The following CRYBG1 variants were observed in gnomAD, a reference collection of about 807,000 sequenced individuals.
CRYBG1 encodes the protein crystallin beta-gamma domain containing 1.
Under a neutral mutation model 189.2 loss-of-function variants are expected in CRYBG1, and 139 were observed. The ratio of observed to expected loss-of-function variants is 0.73; its 90% confidence interval spans 0.64 to 0.85. The LOEUF (loss-of-function observed/expected upper bound fraction) is 0.85, where lower values mean the gene tolerates loss of function less well. CRYBG1 is among the 40% of genes least tolerant of loss of function. CRYBG1 has a pLI of 0.00. For missense variants in CRYBG1, 2,611 were observed against 2,675.8 expected (o/e 0.98, Z 0.53); for synonymous variants, 1,023 against 1,017.1 (o/e 1.01, Z -0.11).
In CRYBG1 at chr6:106,413,311, G is replaced by A. The variant is rs890703259; in HGVS notation, c.174-38383G>A. ...CACACAGTCAGAGCAGGTAGGAGTG[G>A]TTCCCCAAAGAAAAATCACTGTGCT... On this transcript the variant is annotated intron_variant, in intron 1 of 21. Transcript: ENST00000633556. Among the ~76,000 whole-genome samples the A allele has an allele frequency of 2.6e-5, 4 of 152,128 alleles. No homozygotes were observed. In the East Asian group the frequency reaches 7.7e-4, roughly 29 times the overall value.
At chr6:106,444,601 T>C (rs1278052124) in intron 1 of CRYBG1, among the ~76,000 whole-genome samples, 2 of 152,178 alleles carry the variant, frequency 1.3e-5, no homozygotes, top group African/African-American at 4.8e-5. Flanking sequence ...TCATGGTTCG[T>C]TAATCATGTG....
intron 1 of CRYBG1, among the ~76,000 whole-genome samples, chr6:106,443,577 C>A (rs781148611): frequency 8.5e-5 from 13 of 152,122 alleles, no homozygotes; most frequent in African/African-American, 2.4e-4. Context: ...AGTTCAAATG[C>A]GATGACAAAG....
intron 16 of CRYBG1, among the ~76,000 whole-genome samples, chr6:106,554,447 T>C (rs1582836256): frequency 6.6e-6 from 1 of 151,808 alleles, no homozygotes; most frequent in South Asian, 2.1e-4. Flanking sequence ...AACCCTGTCT[T>C]TACTAAAAAT....
chr6:106,445,023 C>T (rs1272681428), intron 1 of CRYBG1, among the ~76,000 whole-genome samples: 2 of 151,958 alleles, frequency 1.3e-5, no homozygotes, highest in Non-Finnish European at 2.9e-5. Flanking sequence ...ATCAAAGTGC[C>T]CAGGAAGGTG....
At chr6:106,391,629 T>G (rs183826420) in intron 1 of CRYBG1, among the ~76,000 whole-genome samples, 12 of 152,256 alleles carry the variant, frequency 7.9e-5, no homozygotes, top group Middle Eastern at 3.4e-3. Flanking sequence ...AATATTCCAT[T>G]TTTGAATTAC....
chr6:106,426,503 A>T (rs4946750), intron 1 of CRYBG1, among the ~76,000 whole-genome samples: 1 of 151,942 alleles, frequency 6.6e-6, no homozygotes, highest in South Asian at 2.1e-4. Context: ...ACCCACTCCA[A>T]TTGGGCTCCT....
In CRYBG1 at chr6:106,519,130, G is replaced by C. The variant is rs904614919; in HGVS notation, c.1923-1G>C. ...TTTATCTTCCTGCTTTTTCCTCACAGCCCTGCCAAGCCCAAACATGTGGAA... is the reference window on the plus strand; with the variant it reads ...TTTATCTTCCTGCTTTTTCCTCACACCCCTGCCAAGCCCAAACATGTGGAA... On this transcript the variant is annotated splice_acceptor_variant, in intron 3 of 21. Transcript: ENST00000633556. LOFTEE classifies it high-confidence loss of function. 1 of 1,606,118 alleles carries C rather than the reference G, an allele frequency of 6.2e-7. No homozygotes were observed. Among genetic ancestry groups the C allele is most frequent in the Non-Finnish European group, 8.5e-7 (1 of 1,176,300 alleles).
At chr6:106,388,839 A>T (rs1250536242) in intron 1 of CRYBG1, among the ~76,000 whole-genome samples, 1 of 152,218 alleles carries the variant, frequency 6.6e-6, no homozygotes, top group East Asian at 1.9e-4. Flanking sequence ...TATCAGAGGG[A>T]TGACTAGCTG....
intron 6 of CRYBG1, 54 bp from the exon 7 acceptor site, chr6:106,527,251 T>C (rs1459902833): frequency 5.2e-5 from 79 of 1,504,992 alleles, no homozygotes; most frequent in Non-Finnish European, 6.8e-5. Context: ...ATTTGAGTAA[T>C]CAAAACCTCT....
At position 106,519,578 on chromosome 6, in the gene CRYBG1, A is replaced by G; in HGVS notation, c.2370A>G (p.Gln790=). 1 of 1,614,202 alleles carries G rather than the reference A, an allele frequency of 6.2e-7. No individual in the cohort carries two copies. ...ACCAAGATGATAAAGCAGATGTACAAACAGATGCTGGCTGCCTTTCAGAAC... is the reference window on the plus strand; with the variant it reads ...ACCAAGATGATAAAGCAGATGTACAGACAGATGCTGGCTGCCTTTCAGAAC... ...QPNQDDKADV[Q]TDAGCLSEPV... is the part of the protein sequence containing the mutation. The change falls in exon 4 of 22, where the codon CAA becomes CAG. Residue 790 remains glutamine (Q), a synonymous_variant. Transcript: ENST00000633556.
At chr6:106,483,378 G>GTGTA (rs1347885031) in intron 2 of CRYBG1, among the ~76,000 whole-genome samples, 2 of 113,692 alleles carry the variant, frequency 1.8e-5, no homozygotes, top group African/African-American at 2.7e-5. Context: ...GTGTGTGTGT[G>GTGTA]TATATATATA....
In CRYBG1 at chr6:106,473,694, C is replaced by A. The variant is rs140753867; in HGVS notation, c.312+21862C>A. 2.1e-3 allele frequency among the ~76,000 whole-genome samples: 319 copies of A among 152,270 alleles called. 2 individuals carry two copies. Among genetic ancestry groups the A allele is most frequent in the African/African-American group, 7.4e-3 (306 of 41,548 alleles). Reference sequence around the variant, plus strand: ...GTTTTGCCATTCCTTTCTTGAATGGCAAGAATTTTAAATACGGTAATATTC... The same window carrying A: ...GTTTTGCCATTCCTTTCTTGAATGGAAAGAATTTTAAATACGGTAATATTC... On this transcript the variant is annotated intron_variant, in intron 2 of 21. Transcript: ENST00000633556.
At chr6:106,502,850 T>A (rs6908506) in intron 2 of CRYBG1, among the ~76,000 whole-genome samples, 103,353 of 152,120 alleles carry the variant, frequency 0.68, 35,739 homozygotes, top group African/African-American at 0.81. Context: ...AGGGTTCTTC[T>A]TTCACATGGC....
At chr6:106,495,969 T>G (rs1772841853) in intron 2 of CRYBG1, among the ~76,000 whole-genome samples, 1 of 152,180 alleles carries the variant, frequency 6.6e-6, no homozygotes, top group African/African-American at 2.4e-5. Flanking sequence ...GTAGGCAAAG[T>G]TAGAACTCTA....
intron 1 of CRYBG1, among the ~76,000 whole-genome samples, chr6:106,399,462 G>C (rs1334959933): frequency 6.6e-6 from 1 of 152,060 alleles, no homozygotes; most frequent in Non-Finnish European, 1.5e-5. Context: ...TCACATCTCT[G>C]TTAGTGTTGA....
intron 2 of CRYBG1, among the ~76,000 whole-genome samples, chr6:106,464,729 G>A (rs1342907606): frequency 6.6e-6 from 1 of 152,126 alleles, no homozygotes; most frequent in Non-Finnish European, 1.5e-5. Context: ...TTTGCCCTTA[G>A]CTTTCGCTCA....
At chr6:106,387,438 G>A (rs1437660871) in intron 1 of CRYBG1, among the ~76,000 whole-genome samples, 4 of 152,132 alleles carry the variant, frequency 2.6e-5, no homozygotes, top group South Asian at 2.1e-4. Flanking sequence ...AGGACTGTAC[G>A]TCCCTCTATA....
rs373644273 is a variant in CRYBG1, at chr6:106,377,621, T to TTATATATATATATATATATATATATA, written c.173+16542_173+16567dup. Among the ~76,000 whole-genome samples, 286 of 69,380 alleles carry TTATATATATATATATATATATATATA rather than the reference T, an allele frequency of 4.1e-3. 13 individuals are homozygous for TTATATATATATATATATATATATATA. The highest frequency in any genetic ancestry group is 6.4e-3 in the African/African-American group (180 of 28,008). 45.5% of individuals were successfully genotyped at this position (69,380 alleles called of 152,430 possible). On this transcript the variant is annotated intron_variant, in intron 1 of 21. Coordinates refer to ENST00000633556, the MANE Select transcript of CRYBG1 (RefSeq NM_001371242.2). ...TGTGTAACTCATAAGTCCTAAGGTT[T>TTATATATATATATATATATATATATA]TATATATATATATATATATATATAT...
At chr6:106,402,904 CATGCTGGATTTAA>C (rs1370569346) in intron 1 of CRYBG1, among the ~76,000 whole-genome samples, 1 of 152,168 alleles carries the variant, frequency 6.6e-6, no homozygotes, top group African/African-American at 2.4e-5. Flanking sequence ...TGGCATGGCA[CATGCTGGATTTAA>C]GGACTGAAAT....
Sources: gnomAD v4.1 joint callset for allele counts (sites outside exome capture counted in the v4.1 genomes callset) on GRCh38, gnomAD v4.1.1 for gene constraint, MANE v1.5 for transcripts, NCBI Gene and HGNC (gene_info 2026-07-23, HGNC 2026-07-21) for gene names.